The following LRCH3 variants were observed in gnomAD, a reference collection of about 807,000 sequenced individuals.
LRCH3 encodes DISP complex protein LRCH3.
LRCH3 carries 68 observed loss-of-function variants against 104.5 expected under a neutral mutation model. That is an observed-to-expected ratio of 0.65 (90% CI 0.54 to 0.80). The LOEUF (loss-of-function observed/expected upper bound fraction) is 0.80. Among genes scored for constraint, LRCH3 ranks in the 30% least tolerant of loss-of-function variants. The pLI, the probability that LRCH3 is intolerant of heterozygous loss-of-function variation, is 0.00. For synonymous variants in LRCH3, 344 were observed against 361.3 expected, an observed-to-expected ratio of 0.95 and a Z score of 0.54; for missense variants, 951 against 953.9, an observed-to-expected ratio of 1.00 and a Z score of 0.04.
chr3:197,851,011 A>G (rs549078823), intron 12 of LRCH3: 266 of 770,086 alleles, frequency 3.5e-4, no homozygotes, highest in Non-Finnish European at 6.1e-4. Context: ...CTTTTTATGA[A>G]CAAGGAAACA....
At position 197,852,636 on chromosome 3, in the gene LRCH3, C is replaced by A. The variant is rs1386817485; in HGVS notation, c.1590+16C>A. 5.6e-6 allele frequency: 9 copies of A among 1,611,588 alleles called. No individual in the cohort carries two copies. The highest frequency in any genetic ancestry group is 1.1e-5 in the South Asian group (1 of 90,856). ...AGATGGTGAGGTAAGTTGATGTAAT[C>A]TCCTTTTCTTTGGAGTTGATTATTT... On this transcript the variant is annotated intron_variant, in intron 13 of 20. Coordinates refer to ENST00000425562, the MANE Select transcript of LRCH3 (RefSeq NM_001365715.1).
In LRCH3 at chr3:197,864,576, C is replaced by T. The variant is rs1741242177; in HGVS notation, c.1717-847C>T. On this transcript the variant is annotated intron_variant, in intron 15 of 20. Transcript: ENST00000425562. ...GGTGAGCTGAGATCGTGCCATTGCA[C>T]TCCAGCCTGGGCAATAAGAGCTAAA... 2.0e-5 allele frequency among the ~76,000 whole-genome samples: 3 copies of T among 148,202 alleles called. No individual in the cohort carries two copies. In the South Asian group the frequency reaches 6.3e-4, roughly 31 times the overall value.
At chr3:197,843,642 C>T (rs1168021899) in intron 10 of LRCH3, among the ~76,000 whole-genome samples, 1 of 151,626 alleles carries the variant, frequency 6.6e-6, no homozygotes, top group Admixed American at 6.6e-5. Flanking sequence ...TGAGATTGTG[C>T]CCCTGCACGC....
At chr3:197,816,829 A>T (rs1733857038) in intron 2 of LRCH3, among the ~76,000 whole-genome samples, 1 of 152,186 alleles carries the variant, frequency 6.6e-6, no homozygotes, top group African/African-American at 2.4e-5. Flanking sequence ...CTTTTAAAAA[A>T]TCTTTTCCTA....
chr3:197,803,242 T>C (rs1052053414), intron 1 of LRCH3, among the ~76,000 whole-genome samples: 1 of 152,230 alleles, frequency 6.6e-6, no homozygotes, highest in Non-Finnish European at 1.5e-5. Flanking sequence ...TCAGATAATG[T>C]GGTCATGCTT....
chr3:197,880,038 C>CG (rs1189024236), intron 20 of LRCH3, among the ~76,000 whole-genome samples: 1 of 150,836 alleles, frequency 6.6e-6, no homozygotes, highest in Non-Finnish European at 1.5e-5. Flanking sequence ...CTCCGCCTCC[C>CG]GGGTTCCCGC....
chr3:197,871,081 GT>G lies in LRCH3; in HGVS notation c.1993-233del, dbSNP rs996553141. ...ATGTTGGAATTGAAGGAGAATCTAG[GT>G]TTTTTTTTTTAATCAGAAAGTTGTA... On this transcript the variant is annotated intron_variant, in intron 18 of 20. Transcript: ENST00000425562. Among the ~76,000 whole-genome samples, 31 of 146,802 alleles carry G rather than the reference GT, an allele frequency of 2.1e-4. 1 individual carries two copies. In the South Asian group the frequency reaches 2.4e-3, roughly 11 times the overall value.
intron 10 of LRCH3, among the ~76,000 whole-genome samples, chr3:197,839,632 G>C (rs142315146): frequency 9.3e-4 from 142 of 152,284 alleles, no homozygotes; most frequent in Middle Eastern, 3.4e-3. Context: ...AAGATACTTA[G>C]TAGCAATGAG....
At chr3:197,859,094 C>T in intron 15 of LRCH3, 189 bp downstream of exon 15, 1 of 580,386 alleles carries the variant, frequency 1.7e-6, no homozygotes. Context: ...TAGAGATAGT[C>T]ATAGAGCTCA....
chr3:197,794,085 CACCACTATAT>C (rs1200442133), intron 1 of LRCH3, among the ~76,000 whole-genome samples: 1 of 152,026 alleles, frequency 6.6e-6, no homozygotes, highest in Non-Finnish European at 1.5e-5. Flanking sequence ...ATATGGCTAT[CACCACTATAT>C]AGTATCACTG....
chr3:197,797,091 G>T (rs1209439277), intron 1 of LRCH3, among the ~76,000 whole-genome samples: 1 of 150,920 alleles, frequency 6.6e-6, no homozygotes, highest in Non-Finnish European at 1.5e-5. Context: ...ACTTTGGGGG[G>T]CCGAGGCGGG....
chr3:197,838,415 A>C (rs1014476280), intron 9 of LRCH3, among the ~76,000 whole-genome samples: 1 of 152,204 alleles, frequency 6.6e-6, no homozygotes, highest in African/African-American at 2.4e-5. Flanking sequence ...GTTTCTAATG[A>C]TGTGTGATAT....
At chr3:197,879,382 C>T (rs770303590) in intron 20 of LRCH3, among the ~76,000 whole-genome samples, 9 of 151,964 alleles carry the variant, frequency 5.9e-5, no homozygotes, top group Admixed American at 2.6e-4. Context: ...CGCGGTGGCT[C>T]ACGCCTGTAA....
chr3:197,838,099 G>A (rs1031768248), intron 9 of LRCH3, among the ~76,000 whole-genome samples: 11 of 151,878 alleles, frequency 7.2e-5, no homozygotes, highest in Non-Finnish European at 1.0e-4. Flanking sequence ...CTGGTACAGC[G>A]TCCTAGGAGA....
At chr3:197,836,878 A>G (rs1028946985) in intron 9 of LRCH3, among the ~76,000 whole-genome samples, 4 of 152,022 alleles carry the variant, frequency 2.6e-5, no homozygotes, top group Admixed American at 1.3e-4. Context: ...GGGTTTCACC[A>G]TGTTGGCCAG....
chr3:197,878,315 A>G (rs1051381311), intron 20 of LRCH3, among the ~76,000 whole-genome samples: 9 of 152,210 alleles, frequency 5.9e-5, no homozygotes, highest in Middle Eastern at 3.2e-3. Context: ...TGTTCCCACC[A>G]TCAGCCAACA....
At chr3:197,801,295 T>A (rs1731871632) in intron 1 of LRCH3, among the ~76,000 whole-genome samples, 1 of 152,078 alleles carries the variant, frequency 6.6e-6, no homozygotes, top group South Asian at 2.1e-4. Context: ...AGGATAATGG[T>A]TACCTCTAGG....
chr3:197,861,755 A>G (rs1046817406), intron 15 of LRCH3, among the ~76,000 whole-genome samples: 2 of 152,162 alleles, frequency 1.3e-5, no homozygotes, highest in African/African-American at 2.4e-5. Context: ...CATTGCCTCA[A>G]TTCTCTAGTG....
intron 1 of LRCH3, among the ~76,000 whole-genome samples, chr3:197,813,020 C>G (rs1195976891): frequency 6.6e-6 from 1 of 152,154 alleles, no homozygotes; most frequent in Admixed American, 6.6e-5. Flanking sequence ...ACATTCTTAA[C>G]AACACCTGTT....
Sources: gnomAD v4.1 joint callset for allele counts (sites outside exome capture counted in the v4.1 genomes callset) on GRCh38, gnomAD v4.1.1 for gene constraint, MANE v1.5 for transcripts, NCBI Gene and HGNC (gene_info 2026-07-23, HGNC 2026-07-21) for gene names.